MEMO1: variants seen among roughly 807,000 people sequenced by gnomAD.
MEMO1 encodes mediator of cell motility 1, also known as protein MEMO1.
A neutral mutation model predicts 45.2 loss-of-function variants in MEMO1; 6 were observed. That is an observed-to-expected ratio of 0.13 (90% CI 0.07 to 0.26). The LOEUF is 0.26. Among genes scored for constraint, MEMO1 ranks in the 10% least tolerant of loss-of-function variants. The pLI, the probability that MEMO1 is intolerant of heterozygous loss-of-function variation, is 1.00. For synonymous variants in MEMO1, 78 were observed against 124.3 expected, an observed-to-expected ratio of 0.63 and a Z score of 2.48; for missense variants, 184 against 370.5, an observed-to-expected ratio of 0.50 and a Z score of 4.13.
intron 2 of MEMO1, among the ~76,000 whole-genome samples, chr2:31,965,963 T>G (rs1222600393): frequency 6.6e-6 from 1 of 152,142 alleles, no homozygotes; most frequent in Non-Finnish European, 1.5e-5. Context: ...CCTTAGAACT[T>G]ATAATAAAAT....
chr2:31,881,614 A>G (rs1458463700), intron 8 of MEMO1, among the ~76,000 whole-genome samples: 1 of 152,140 alleles, frequency 6.6e-6, no homozygotes, highest in Non-Finnish European at 1.5e-5. Flanking sequence ...TGAAGAGAAA[A>G]AAACAAATTA....
At position 32,008,179 on chromosome 2, in the gene MEMO1, C is replaced by T. The variant is rs529038364; in HGVS notation, c.61+2008G>A. On this transcript the variant is annotated intron_variant, in intron 2 of 9. Transcript: ENST00000404530. ...GAATACCAAAGAAGTCTTTCCAAATCCAAGTGTAAGCTATGTCATATAAGA... is the reference window on the plus strand; with the variant it reads ...GAATACCAAAGAAGTCTTTCCAAATTCAAGTGTAAGCTATGTCATATAAGA... Among the ~76,000 whole-genome samples, 1,474 of 152,324 alleles carry T rather than the reference C, an allele frequency of 9.7e-3. 25 individuals are homozygous for T. The highest frequency in any genetic ancestry group is 0.048 in the South Asian group (230 of 4,830).
chr2:31,893,390 AC>A, intron 6 of MEMO1: 4 of 1,074,226 alleles, frequency 3.7e-6, no homozygotes, highest in Non-Finnish European at 4.6e-6. Context: ...TCTAACTGTT[AC>A]CAGTTTGCTA....
At chr2:31,910,237 T>C (rs1432840310) in intron 6 of MEMO1, among the ~76,000 whole-genome samples, 2 of 152,240 alleles carry the variant, frequency 1.3e-5, no homozygotes, top group East Asian at 1.9e-4. Context: ...ATTTAGACAT[T>C]AGATCTGCCT....
chr2:31,996,266 G>A (rs1672602221), intron 2 of MEMO1, among the ~76,000 whole-genome samples: 1 of 152,056 alleles, frequency 6.6e-6, no homozygotes, highest in South Asian at 2.1e-4. Flanking sequence ...AACTAAAAGA[G>A]GCATGGCACG....
At chr2:31,936,602 T>C (rs540038989) in intron 3 of MEMO1, among the ~76,000 whole-genome samples, 36 of 152,324 alleles carry the variant, frequency 2.4e-4, no homozygotes, top group African/African-American at 8.4e-4. Context: ...TTACTGGTTA[T>C]GTGACAGTTT....
intron 2 of MEMO1, among the ~76,000 whole-genome samples, chr2:31,956,083 T>C (rs557230888): frequency 4.3e-4 from 66 of 152,334 alleles, no homozygotes; most frequent in African/African-American, 1.6e-3. Context: ...ATGCTTGAAG[T>C]TGAGTCGACA....
At chr2:31,906,249 C>T (rs564782085) in intron 6 of MEMO1, among the ~76,000 whole-genome samples, 267 of 151,846 alleles carry the variant, frequency 1.8e-3, no homozygotes, top group Middle Eastern at 7.0e-3. Context: ...GGATTACCGG[C>T]GTGAGCCACC....
At chr2:31,960,777 T>C (rs753903787) in intron 2 of MEMO1, among the ~76,000 whole-genome samples, 9 of 151,488 alleles carry the variant, frequency 5.9e-5, no homozygotes, top group Non-Finnish European at 1.0e-4. Flanking sequence ...GTAGAGAGAG[T>C]GTTTCCCCAT....
chr2:31,926,174 C>G (rs1117980), intron 4 of MEMO1, among the ~76,000 whole-genome samples: 1 of 151,632 alleles, frequency 6.6e-6, no homozygotes, highest in Non-Finnish European at 1.5e-5. Context: ...CAAGACCAGC[C>G]TGAGCAACAT....
At chr2:31,978,674 C>G (rs949855929) in intron 2 of MEMO1, among the ~76,000 whole-genome samples, 2 of 152,188 alleles carry the variant, frequency 1.3e-5, no homozygotes, top group Non-Finnish European at 2.9e-5. Context: ...CTCACCTTGG[C>G]CTTCCAAAGT....
At chr2:31,895,548 G>C (rs568897160) in intron 6 of MEMO1, among the ~76,000 whole-genome samples, 6 of 152,318 alleles carry the variant, frequency 3.9e-5, no homozygotes, top group African/African-American at 9.6e-5. Context: ...GAAACAGTCT[G>C]TGAAATTACA....
intron 3 of MEMO1, among the ~76,000 whole-genome samples, chr2:31,941,742 G>A (rs1665640782): frequency 6.6e-6 from 1 of 152,164 alleles, no homozygotes; most frequent in South Asian, 2.1e-4. Context: ...AATCCCAACA[G>A]ATAAAAAAGT....
chr2:31,980,610 A>G (rs1186474087), intron 2 of MEMO1, among the ~76,000 whole-genome samples: 1 of 152,150 alleles, frequency 6.6e-6, no homozygotes, highest in Non-Finnish European at 1.5e-5. Context: ...CCAATCCTAT[A>G]TAAGATGATA....
intron 4 of MEMO1, among the ~76,000 whole-genome samples, chr2:31,927,425 AT>A (rs1362297204): frequency 6.6e-6 from 1 of 152,198 alleles, no homozygotes; most frequent in Non-Finnish European, 1.5e-5. Flanking sequence ...TTAAAGAAAA[AT>A]ATCCACAATT....
chr2:31,920,777 A>G lies in MEMO1; in HGVS notation c.325+21T>C, dbSNP rs77491102. 7.9e-6 allele frequency: 11 copies of G among 1,392,334 alleles called. No homozygotes were observed. The East Asian group carries it at 1.7e-4, about 22-fold the overall frequency. The allele number at this position is 1,392,334 out of a possible 1,614,324, so 86.2% of individuals were successfully genotyped here. A position where few individuals can be genotyped will look rare whatever the true frequency, so the allele number is the denominator to read the frequency against. On this transcript the variant is annotated intron_variant, in intron 5 of 9. Transcript: ENST00000404530. The stretch of plus-strand genomic sequence containing the variant: ...AAAGAACATTAGCTATTTGAAAGCT[A>G]TAATATTTCTATATACTTACTCTTT...
At chr2:32,004,803 T>C (rs1459693357) in intron 2 of MEMO1, among the ~76,000 whole-genome samples, 1 of 151,962 alleles carries the variant, frequency 6.6e-6, no homozygotes, top group Non-Finnish European at 1.5e-5. Flanking sequence ...GGTGCATACC[T>C]GTAATCCCAG....
At chr2:31,926,184 T>C (rs550847184) in intron 4 of MEMO1, among the ~76,000 whole-genome samples, 12 of 151,996 alleles carry the variant, frequency 7.9e-5, no homozygotes, top group African/African-American at 1.7e-4. Context: ...CTGAGCAACA[T>C]AGTGAGACCA....
intron 2 of MEMO1, among the ~76,000 whole-genome samples, chr2:31,996,583 C>T (rs34437462): frequency 0.12 from 18,174 of 151,966 alleles, 1,169 homozygotes; most frequent in Middle Eastern, 0.2. Context: ...AGACAAATCC[C>T]CATCTATAGA....
Sources: gnomAD v4.1 joint callset for allele counts (sites outside exome capture counted in the v4.1 genomes callset) on GRCh38, gnomAD v4.1.1 for gene constraint, MANE v1.5 for transcripts, NCBI Gene and HGNC (gene_info 2026-07-23, HGNC 2026-07-21) for gene names.